Variants in ARHGEF3 observed in about 807,000 individuals in gnomAD.
ARHGEF3 encodes 59.8 kDA protein.
In ARHGEF3, 28 loss-of-function variants were observed where a neutral mutation model predicts 63.2. That is an observed-to-expected ratio of 0.44 (90% confidence interval 0.33 to 0.61). The LOEUF (loss-of-function observed/expected upper bound fraction) is 0.61, where lower values mean the gene tolerates loss of function less well. Among genes scored for constraint, ARHGEF3 ranks in the 20% least tolerant of loss-of-function variants. The pLI is 0.03. For synonymous variants in ARHGEF3, 266 were observed against 254.2 expected (o/e 1.05, Z -0.44); for missense variants, 533 against 659.3 (o/e 0.81, Z 2.10).
intron 3 of ARHGEF3, among the ~76,000 whole-genome samples, chr3:56,941,848 T>C (rs770804881): frequency 6.6e-6 from 1 of 152,216 alleles, no homozygotes; most frequent in East Asian, 1.9e-4. Context: ...TGCTTTTCTT[T>C]AGTTATGGTT....
chr3:57,019,213 G>A (rs1378594351), intron 2 of ARHGEF3, among the ~76,000 whole-genome samples: 1 of 152,174 alleles, frequency 6.6e-6, no homozygotes, highest in African/African-American at 2.4e-5. Context: ...AAGAGAGCAA[G>A]GGGGACTTCC....
chr3:57,030,000 T>C (rs528482469), intron 2 of ARHGEF3, among the ~76,000 whole-genome samples: 1 of 152,206 alleles, frequency 6.6e-6, no homozygotes, highest in South Asian at 2.1e-4. Context: ...AGATGGGAGC[T>C]GATAAGTGGA....
intron 3 of ARHGEF3, among the ~76,000 whole-genome samples, chr3:56,942,258 G>A (rs563971509): frequency 1.3e-5 from 2 of 152,324 alleles, no homozygotes; most frequent in Admixed American, 6.5e-5. Flanking sequence ...ACTGCATTGA[G>A]CAAATCTATC....
intron 2 of ARHGEF3, among the ~76,000 whole-genome samples, chr3:57,014,257 A>C (rs1702861858): frequency 6.6e-6 from 1 of 152,176 alleles, no homozygotes; most frequent in Non-Finnish European, 1.5e-5. Flanking sequence ...CACCATCTTT[A>C]AGAACTGTAA....
intron 3 of ARHGEF3, among the ~76,000 whole-genome samples, chr3:56,905,469 T>G (rs915644183): frequency 3.3e-5 from 5 of 152,270 alleles, no homozygotes; most frequent in African/African-American, 9.6e-5. Context: ...CAATAATGTA[T>G]TTATTTAAGT....
intron 3 of ARHGEF3, among the ~76,000 whole-genome samples, chr3:56,947,600 C>T (rs1265568837): frequency 1.3e-5 from 2 of 152,122 alleles, no homozygotes; most frequent in African/African-American, 4.8e-5. Flanking sequence ...TATATGCACC[C>T]AATACAGGAG....
chr3:56,824,390 CA>C (rs2038636665), intron 4 of ARHGEF3, among the ~76,000 whole-genome samples: 1 of 152,092 alleles, frequency 6.6e-6, no homozygotes, highest in Non-Finnish European at 1.5e-5. Context: ...TTTTTGATCA[CA>C]ATTAGGGGCA....
intron 2 of ARHGEF3, among the ~76,000 whole-genome samples, chr3:56,978,467 C>T (rs7372980): frequency 0.53 from 80,772 of 151,944 alleles, 21,884 homozygotes; most frequent in Middle Eastern, 0.63. Context: ...CATAACATAG[C>T]TCACAAAATA....
intron 1 of ARHGEF3, among the ~76,000 whole-genome samples, chr3:57,046,747 C>A (rs866729527): frequency 6.6e-6 from 1 of 152,158 alleles, no homozygotes; most frequent in African/African-American, 2.4e-5. Context: ...GACTCACACA[C>A]AGAGCTGCCC....
chr3:57,014,772 C>G (rs1006385774), intron 2 of ARHGEF3, among the ~76,000 whole-genome samples: 1 of 152,068 alleles, frequency 6.6e-6, no homozygotes, highest in African/African-American at 2.4e-5. Flanking sequence ...GCTCCACCTC[C>G]CAGGCTCAGG....
chr3:56,775,018 C>T (rs759053427), intron 1 of ARHGEF3: 1 of 1,546,512 alleles, frequency 6.5e-7, no homozygotes, highest in Non-Finnish European at 8.7e-7. Flanking sequence ...TCCTAAGCTC[C>T]ATCTGACCTG....
At chr3:56,739,033 T>G (rs961726023) in intron 7 of ARHGEF3, among the ~76,000 whole-genome samples, 2 of 152,172 alleles carry the variant, frequency 1.3e-5, no homozygotes, top group South Asian at 4.1e-4. Context: ...AGGCAGAGGT[T>G]GCAGTGAGCC....
At chr3:56,870,557 A>G (rs533965205) in intron 4 of ARHGEF3, among the ~76,000 whole-genome samples, 7 of 152,328 alleles carry the variant, frequency 4.6e-5, no homozygotes, top group Middle Eastern at 3.4e-3. Flanking sequence ...GTGTGATTAC[A>G]CTTTTGTACA....
At chr3:56,903,108 C>G (rs939665940) in intron 3 of ARHGEF3, among the ~76,000 whole-genome samples, 1 of 150,592 alleles carries the variant, frequency 6.6e-6, no homozygotes, top group Non-Finnish European at 1.5e-5. Flanking sequence ...AGAGAGAGAA[C>G]GAACCCCAAG....
At chr3:56,989,229 A>T (rs2106940855) in intron 2 of ARHGEF3, among the ~76,000 whole-genome samples, 1 of 152,332 alleles carries the variant, frequency 6.6e-6, no homozygotes, top group Middle Eastern at 3.4e-3. Context: ...TTCTTTTCCT[A>T]AAAGGATAAG....
At chr3:56,872,010 A>G (rs1187229301) in intron 4 of ARHGEF3, among the ~76,000 whole-genome samples, 1 of 152,000 alleles carries the variant, frequency 6.6e-6, no homozygotes, top group Non-Finnish European at 1.5e-5. Context: ...TTCTTATCAT[A>G]TCACTGAAGG....
At chr3:57,050,422 G>A (rs1443469628) in intron 1 of ARHGEF3, among the ~76,000 whole-genome samples, 1 of 152,258 alleles carries the variant, frequency 6.6e-6, no homozygotes, top group Non-Finnish European at 1.5e-5. Flanking sequence ...ACAGAGCAGG[G>A]CAGCTCTATG....
chr3:56,829,369 G>A lies in ARHGEF3; in HGVS notation c.192+52923C>T, dbSNP rs1276066792. 2.0e-5 allele frequency among the ~76,000 whole-genome samples: 3 copies of A among 152,110 alleles called. No individual in the cohort carries two copies. The East Asian group carries it at 5.8e-4, about 29-fold the overall frequency. On this transcript the variant is annotated intron_variant, in intron 4 of 12. Transcript: ENST00000338458. ...GGAGGGCTTTTCTCACCTCCTGGAAGCTAGTCCCCTGGCTCCAGCAGCCTA... is the reference window on the plus strand; with the variant it reads ...GGAGGGCTTTTCTCACCTCCTGGAAACTAGTCCCCTGGCTCCAGCAGCCTA...
In ARHGEF3 at chr3:56,996,894, T is replaced by TATTA. The variant is rs201057893; in HGVS notation, c.63-38006_63-38005insTAAT. On this transcript the variant is annotated intron_variant, in intron 2 of 12. Coordinates refer to the ARHGEF3 transcript ENST00000338458. ...ATTATTATTATTATTATTATTATTT[T>TATTA]TTTTTTTTTTTGCAATTTGCTTATT... is the stretch of plus-strand genomic sequence containing the variant. Among the ~76,000 whole-genome samples, 341 of 147,286 alleles carry TATTA rather than the reference T, an allele frequency of 2.3e-3. 1 individual carries two copies. Among genetic ancestry groups the TATTA allele is most frequent in the Admixed American group, 6.1e-3 (90 of 14,874 alleles).
Sources: allele counts gnomAD v4.1 joint callset (sites outside exome capture counted in the v4.1 genomes callset), GRCh38; gene constraint gnomAD v4.1.1; transcripts MANE v1.5; gene names NCBI Gene and HGNC (gene_info 2026-07-23, HGNC 2026-07-21).